The following MYT1L variants were observed in gnomAD, a reference collection of about 807,000 sequenced individuals.
MYT1L encodes the protein myelin transcription factor 1 like, also known as myelin transcription factor 1-like protein.
MYT1L carries 12 observed loss-of-function variants against 126.7 expected under a neutral mutation model. That is an observed-to-expected ratio of 0.09 (90% CI 0.06 to 0.15). The LOEUF is 0.15. Among genes scored for constraint, MYT1L ranks in the 10% least tolerant of loss-of-function variants. MYT1L has a pLI of 1.00. For missense variants in MYT1L, 979 were observed against 1,585.2 expected (o/e 0.62, Z 6.49); for synonymous variants, 541 against 604.2 (o/e 0.90, Z 1.53).
At chr2:2,073,250 G>A (rs995064552) in intron 3 of MYT1L, among the ~76,000 whole-genome samples, 5 of 151,306 alleles carry the variant, frequency 3.3e-5, no homozygotes, top group African/African-American at 7.3e-5. Context: ...TCATACTTAC[G>A]TTATATTTCT....
chr2:1,947,947 G>A (rs1318878807), intron 8 of MYT1L, among the ~76,000 whole-genome samples: 6 of 151,788 alleles, frequency 4.0e-5, no homozygotes, highest in African/African-American at 1.5e-4. Context: ...ACGACCAAGG[G>A]CGTGAGCTCC....
At chr2:2,081,521 T>C (rs1253837498) in intron 3 of MYT1L, among the ~76,000 whole-genome samples, 1 of 152,198 alleles carries the variant, frequency 6.6e-6, no homozygotes, top group Non-Finnish European at 1.5e-5. Context: ...TACTCTATTC[T>C]ATTGCTTCCT....
chr2:2,130,504 G>A (rs1003014347), intron 3 of MYT1L, among the ~76,000 whole-genome samples: 3 of 152,134 alleles, frequency 2.0e-5, no homozygotes, highest in Admixed American at 6.5e-5. Flanking sequence ...CAGTGGTCTC[G>A]AGTGGAAAAG....
At chr2:2,061,182 G>GT (rs2070428158) in intron 3 of MYT1L, among the ~76,000 whole-genome samples, 1 of 152,064 alleles carries the variant, frequency 6.6e-6, no homozygotes, top group African/African-American at 2.4e-5. Context: ...TATGCTTCTT[G>GT]TTTTCACTAG....
intron 18 of MYT1L, among the ~76,000 whole-genome samples, chr2:1,885,951 G>T (rs2048121735): frequency 6.6e-6 from 1 of 152,194 alleles, no homozygotes; most frequent in African/African-American, 2.4e-5. Context: ...CAATTTGCCA[G>T]ATTTATGCTT....
chr2:2,137,571 G>A (rs911660759), intron 3 of MYT1L, among the ~76,000 whole-genome samples: 11 of 152,070 alleles, frequency 7.2e-5, no homozygotes, highest in East Asian at 1.9e-4. Flanking sequence ...ACAAACCTGC[G>A]AAAAACAAGC....
At chr2:1,816,069 G>A (rs1475653321) in intron 21 of MYT1L, 1 of 152,118 alleles carries the variant, frequency 6.6e-6, no homozygotes, top group Non-Finnish European at 1.5e-5. Context: ...GATCTCAAGC[G>A]ACCCTCCTGC....
chr2:1,879,774 G>A (rs577380995), intron 18 of MYT1L, among the ~76,000 whole-genome samples: 7 of 151,904 alleles, frequency 4.6e-5, no homozygotes, highest in East Asian at 1.9e-4. Context: ...AAAGTCATCC[G>A]GAAGTTAAAA....
intron 21 of MYT1L, among the ~76,000 whole-genome samples, chr2:1,819,159 G>T (rs1312159839): frequency 6.6e-6 from 1 of 152,230 alleles, no homozygotes; most frequent in Non-Finnish European, 1.5e-5. Flanking sequence ...GATGGATTCT[G>T]GAGCCACTGC....
At chr2:1,907,943 C>G (rs1020859750) in intron 13 of MYT1L, among the ~76,000 whole-genome samples, 2 of 152,254 alleles carry the variant, frequency 1.3e-5, no homozygotes. Context: ...CAGCACCCAG[C>G]GCCTCCCTGA....
At position 2,208,768 on chromosome 2, in the gene MYT1L, T is replaced by G. The variant is rs2093401259; in HGVS notation, c.-420-35780A>C. ...TCTCTATTTTTAAGTTTAATTTATC[T>G]TGATACTTGCTTTTAGGCTCTATCA... On this transcript the variant is annotated intron_variant, in intron 2 of 24. Transcript: ENST00000647738. Among the ~76,000 whole-genome samples the G allele has an allele frequency of 2.0e-5, 3 of 152,330 alleles. No homozygotes were observed. The East Asian group carries it at 5.8e-4, about 29-fold the overall frequency.
At chr2:2,185,545 C>A (rs1386044156) in intron 2 of MYT1L, among the ~76,000 whole-genome samples, 2 of 148,464 alleles carry the variant, frequency 1.3e-5, no homozygotes, top group East Asian at 2.1e-4. Flanking sequence ...CGGACGCAGC[C>A]GGGCCTCCTC....
At chr2:1,911,667 A>T (rs1450340427) in intron 12 of MYT1L, among the ~76,000 whole-genome samples, 1 of 152,202 alleles carries the variant, frequency 6.6e-6, no homozygotes, top group Admixed American at 6.5e-5. Flanking sequence ...CACACTGTAC[A>T]GGCGTGCTGC....
chr2:1,983,474 G>T (rs148094660), intron 5 of MYT1L, among the ~76,000 whole-genome samples: 1 of 152,224 alleles, frequency 6.6e-6, no homozygotes, highest in African/African-American at 2.4e-5. Context: ...AGCATAAAAC[G>T]TATGGTCTGA....
chr2:1,846,615 T>C (rs999216870), intron 19 of MYT1L, among the ~76,000 whole-genome samples: 11 of 151,986 alleles, frequency 7.2e-5, no homozygotes, highest in Non-Finnish European at 1.5e-4. Context: ...CCGGGAGACA[T>C]GTGGTCAAGG....
intron 3 of MYT1L, among the ~76,000 whole-genome samples, chr2:2,092,360 T>C (rs1458589054): frequency 6.6e-6 from 1 of 152,160 alleles, no homozygotes. Flanking sequence ...CATTTATCAA[T>C]CAAGTTTGCC....
chr2:2,280,596 T>C (rs1198340598), intron 2 of MYT1L, among the ~76,000 whole-genome samples: 1 of 152,202 alleles, frequency 6.6e-6, no homozygotes, highest in Non-Finnish European at 1.5e-5. Flanking sequence ...GATGATAATG[T>C]TTCCTTCCCT....
chr2:2,076,593 A>G (rs2075254604), intron 3 of MYT1L, among the ~76,000 whole-genome samples: 1 of 152,324 alleles, frequency 6.6e-6, no homozygotes, highest in East Asian at 1.9e-4. Flanking sequence ...AACAATGCAC[A>G]ATACTCAGAA....
chr2:2,227,606 C>T lies in MYT1L; in HGVS notation c.-420-54618G>A, dbSNP rs575221849. Among the ~76,000 whole-genome samples, 12 of 152,274 alleles carry T rather than the reference C, an allele frequency of 7.9e-5. No individual in the cohort carries two copies. The South Asian group carries it at 8.3e-4, about 11-fold the overall frequency. ...GCACAGACTCACATGGAAAGCTGAC[C>T]GCACTATCTGTTAAGAAGCTCCTGG... On this transcript the variant is annotated intron_variant, in intron 2 of 24. Coordinates refer to ENST00000647738, the MANE Select transcript of MYT1L (RefSeq NM_001303052.2).
Sources: allele counts gnomAD v4.1 joint callset (sites outside exome capture counted in the v4.1 genomes callset), GRCh38; gene constraint gnomAD v4.1.1; transcripts MANE v1.5; gene names NCBI Gene and HGNC (gene_info 2026-07-23, HGNC 2026-07-21).